The following CACNA1H variants were observed in gnomAD, a reference collection of about 807,000 sequenced individuals.
CACNA1H encodes the protein calcium voltage-gated channel subunit alpha1 H.
CACNA1H carries 149 observed loss-of-function variants against 192.5 expected under a neutral mutation model. The ratio of observed to expected loss-of-function variants is 0.77; its 90% CI spans 0.68 to 0.89. The LOEUF is 0.89. Ranked by LOEUF, CACNA1H falls within the 40% of genes least tolerant of loss-of-function variation. The pLI is 0.00. For missense variants in CACNA1H, 4,257 were observed against 3,423.5 expected, an observed-to-expected ratio of 1.24 and a Z score of -6.08; for synonymous variants, 2,202 against 1,475.2, an observed-to-expected ratio of 1.49 and a Z score of -11.29.
At chr16:1,212,165 G>GT in intron 25 of CACNA1H, 27 bp downstream of exon 25, 1 of 1,587,266 alleles carries the variant, frequency 6.3e-7, no homozygotes, top group East Asian at 2.2e-5. Flanking sequence ...GGCGGTGGCG[G>GT]TGGCGGGTCG....
chr16:1,170,462 G>A lies in CACNA1H; in HGVS notation c.299+16426G>A, dbSNP rs376237812. ...GGAGAGAGACAGAGGCAGGGGAGGG[G>A]AGCGGGTGGACGGGAGGAGATGGAC... On this transcript the variant is annotated intron_variant, in intron 2 of 34. Coordinates refer to ENST00000348261, the MANE Select transcript of CACNA1H (RefSeq NM_021098.3). 9.8e-5 allele frequency among the ~76,000 whole-genome samples: 15 copies of A among 152,344 alleles called. No homozygotes were observed. In the East Asian group the frequency reaches 1.7e-3, roughly 18 times the overall value.
At chr16:1,197,208 C>T (rs191765262) in intron 5 of CACNA1H, among the ~76,000 whole-genome samples, 8 of 152,354 alleles carry the variant, frequency 5.3e-5, no homozygotes, top group Admixed American at 1.3e-4. Flanking sequence ...GAGCAACTAG[C>T]TGAGCCTGAA....
In CACNA1H at chr16:1,221,385, G is replaced by C; in HGVS notation, c.*391G>C. The C allele has an allele frequency of 6.5e-6, 2 of 308,956 alleles. No homozygotes were observed. The highest frequency in any genetic ancestry group is 1.2e-5 in the Non-Finnish European group (2 of 167,854). 19.1% of individuals were successfully genotyped at this position (308,956 alleles called of 1,614,324 possible). ...CACTCGCTGGGGGCCCTGTGCCCTT[G>C]CCGGCGGCAGGTTGCAGCCACCGCG... On this transcript the variant is annotated 3_prime_UTR_variant, in exon 35 of 35. Transcript: ENST00000348261.
chr16:1,165,972 G>T (rs1002522604), intron 2 of CACNA1H, among the ~76,000 whole-genome samples: 1 of 152,166 alleles, frequency 6.6e-6, no homozygotes, highest in Non-Finnish European at 1.5e-5. Flanking sequence ...TCTTTTAATT[G>T]TGGTGGCTCT....
At chr16:1,190,069 G>A (rs1052001912) in intron 2 of CACNA1H, among the ~76,000 whole-genome samples, 2 of 152,188 alleles carry the variant, frequency 1.3e-5, no homozygotes, top group Non-Finnish European at 2.9e-5. Flanking sequence ...CTGCTGGTTG[G>A]GCCTCAGGGT....
chr16:1,218,898 G>A (rs970188953), intron 33 of CACNA1H, 72 bp from the exon 34 acceptor site: 31 of 1,489,260 alleles, frequency 2.1e-5, no homozygotes, highest in Non-Finnish European at 2.7e-5. Flanking sequence ...GGTTGGGGGA[G>A]GACGGGGGTG....
At chr16:1,213,262 G>T (rs1208062464) in intron 26 of CACNA1H, among the ~76,000 whole-genome samples, 1 of 152,210 alleles carries the variant, frequency 6.6e-6, no homozygotes, top group Non-Finnish European at 1.5e-5. Context: ...GGCCTTGTGG[G>T]CCCAGACCCA....
intron 34 of CACNA1H, among the ~76,000 whole-genome samples, chr16:1,219,455 C>A (rs1285924948): frequency 6.6e-6 from 1 of 152,188 alleles, no homozygotes; most frequent in African/African-American, 2.4e-5. Flanking sequence ...TTCCCAGGGC[C>A]CACGGCGGGC....
chr16:1,170,918 G>A (rs372484560), intron 2 of CACNA1H, among the ~76,000 whole-genome samples: 1 of 152,172 alleles, frequency 6.6e-6, no homozygotes, highest in African/African-American at 2.4e-5. Context: ...AGTGGTTCCC[G>A]TGTGGAGGGT....
intron 9 of CACNA1H, among the ~76,000 whole-genome samples, 156 bp downstream of exon 9, chr16:1,202,608 A>G (rs1968103889): frequency 6.6e-6 from 1 of 152,088 alleles, no homozygotes; most frequent in Admixed American, 6.5e-5. Context: ...GCCCATAAGA[A>G]GGGGAAAGAG....
intron 26 of CACNA1H, 115 bp from the exon 27 acceptor site, chr16:1,213,665 G>A (rs1009257557): frequency 7.6e-5 from 53 of 696,598 alleles, no homozygotes; most frequent in Admixed American, 2.5e-4. Context: ...CACATGAGCC[G>A]TGGGCCCCCA....
At chr16:1,157,123 G>T (rs901590320) in intron 2 of CACNA1H, 1 of 152,202 alleles carries the variant, frequency 6.6e-6, no homozygotes, top group African/African-American at 2.4e-5. Context: ...CCGCCGTCCC[G>T]GCACACGGAC....
rs867736313 is a variant in CACNA1H, at chr16:1,218,570, C to T, written c.5806C>T (p.Pro1936Ser). 1.3e-6 allele frequency: 2 copies of T among 1,564,556 alleles called. No individual in the cohort carries two copies. The highest frequency in any genetic ancestry group is 4.7e-5 in the East Asian group (2 of 42,196). Residue 1936 changes from proline to serine, a missense_variant, in exon 33 of 35, where the codon CCC (proline) becomes TCC (serine). Pro to Ser is a moderately conservative substitution (Grantham distance 74). Transcript: ENST00000348261. ...SLPNDSYMFR[P>S]VVPASAPHPR... ...GCCCAACGACAGCTACATGTTCAGG[C>T]CCGTGGTGCCTGCCTCGGCGCCCCA... is the stretch of plus-strand genomic sequence containing the variant.
At chr16:1,199,672 C>T (rs1325142789) in intron 6 of CACNA1H, among the ~76,000 whole-genome samples, 1 of 150,488 alleles carries the variant, frequency 6.6e-6, no homozygotes, top group Non-Finnish European at 1.5e-5. Context: ...TCAACCCTCA[C>T]CCCGGGTTCT....
intron 9 of CACNA1H, among the ~76,000 whole-genome samples, chr16:1,202,953 G>A (rs770261793): frequency 1.3e-5 from 2 of 152,100 alleles, no homozygotes; most frequent in Non-Finnish European, 2.9e-5. Flanking sequence ...CCTATGCGGG[G>A]CCTGGGCCTC....
intron 2 of CACNA1H, among the ~76,000 whole-genome samples, chr16:1,192,985 G>A (rs896847486): frequency 6.6e-6 from 1 of 152,084 alleles, no homozygotes; most frequent in African/African-American, 2.4e-5. Flanking sequence ...TGGGTAGATG[G>A]GTAAACTGAG....
chr16:1,205,320 C>T (rs1328594286), intron 11 of CACNA1H, 55 bp downstream of exon 11: 7 of 1,530,550 alleles, frequency 4.6e-6, no homozygotes, highest in Non-Finnish European at 6.2e-6. Context: ...CACTCTCTGG[C>T]AGAAATCCCA....
rs760596901 is a variant in CACNA1H at position 1,220,466 on chromosome 16, T to C, written c.6534T>C (p.Ala2178=). ...CCTGGGGCCCTGAGGCCGAGCCCGCTCTGGGTGCGCGCAGAAAGAAGAAGA... is the reference window on the plus strand; with the variant it reads ...CCTGGGGCCCTGAGGCCGAGCCCGCCCTGGGTGCGCGCAGAAAGAAGAAGA... ...AKAWGPEAEP[A]LGARRKKKMS... Residue 2178 remains alanine, a synonymous_variant, in exon 35 of 35, where the codon GCT becomes GCC. Transcript: ENST00000348261. 1.9e-6 allele frequency: 3 copies of C among 1,544,430 alleles called. No individual in the cohort carries two copies. Among genetic ancestry groups the C allele is most frequent in the Middle Eastern group, 1.8e-4 (1 of 5,702 alleles).
At chr16:1,195,684 G>A in intron 4 of CACNA1H, 119 bp downstream of exon 4, 2 of 1,246,966 alleles carry the variant, frequency 1.6e-6, no homozygotes, top group Non-Finnish European at 2.2e-6. Flanking sequence ...GATCCAGGTA[G>A]AGCCAGGGAC....
Sources: allele counts gnomAD v4.1 joint callset (sites outside exome capture counted in the v4.1 genomes callset), GRCh38; gene constraint gnomAD v4.1.1; transcripts MANE v1.5; gene names NCBI Gene and HGNC (gene_info 2026-07-23, HGNC 2026-07-21).